Variants in CACNA1S observed in about 807,000 individuals in gnomAD.
The protein encoded by CACNA1S is calcium voltage-gated channel subunit alpha1 S.
Under a neutral mutation model 207.4 loss-of-function variants are expected in CACNA1S, and 126 were observed. The observed-to-expected ratio is 0.61, with a 90% CI of 0.53 to 0.70. The LOEUF (loss-of-function observed/expected upper bound fraction) is 0.70, where lower values mean the gene tolerates loss of function less well. Ranked by LOEUF, CACNA1S falls within the 30% of genes least tolerant of loss-of-function variation. The pLI, the probability that CACNA1S is intolerant of heterozygous loss-of-function variation, is 0.00. For missense variants in CACNA1S, 2,349 were observed against 2,422.8 expected (o/e 0.97, Z 0.64); for synonymous variants, 960 against 932.7 (o/e 1.03, Z -0.53).
intron 18 of CACNA1S, 50 bp downstream of exon 18, chr1:201,069,422 G>A (rs1661369996): frequency 1.2e-6 from 2 of 1,602,488 alleles, no homozygotes; most frequent in South Asian, 1.1e-5. Flanking sequence ...ACCAGACTGA[G>A]GCTGGAGGGG....
rs757432785 is a variant in CACNA1S, at chr1:201,051,071, C to G, written c.4026G>C (p.Ser1342=). 2 of 1,614,058 alleles carry G rather than the reference C, an allele frequency of 1.2e-6. No individual in the cohort carries two copies. Among genetic ancestry groups the G allele is most frequent in the African/African-American group, 2.7e-5 (2 of 74,922 alleles). ...TGTACTCCTCCCCTGGGGCATAGTC[C>G]GACTCTGGGTCACACAGCTTCCCAT... ...CSYGKLCDPE[S]DYAPGEEYTC... The change falls in exon 33 of 44, where the codon TCG becomes TCC. Residue 1342 remains serine (S), a synonymous_variant. Coordinates refer to ENST00000362061, the MANE Select transcript of CACNA1S (RefSeq NM_000069.3).
At chr1:201,081,220 AG>A (rs1218053332) in intron 10 of CACNA1S, among the ~76,000 whole-genome samples, 1 of 152,204 alleles carries the variant, frequency 6.6e-6, no homozygotes, top group African/African-American at 2.4e-5. Flanking sequence ...GCTACCCATT[AG>A]GGTTTAGGCC....
In CACNA1S at chr1:201,062,523, A is replaced by C; in HGVS notation, c.2854-9T>G. 7 of 1,153,200 alleles carry C rather than the reference A, an allele frequency of 6.1e-6. No individual in the cohort carries two copies. Among genetic ancestry groups the C allele is most frequent in the Non-Finnish European group, 7.5e-6 (6 of 802,302 alleles). The allele number at this position is 1,153,200 out of a possible 1,614,324, so 71.4% of individuals were successfully genotyped here. A position where few individuals can be genotyped will look rare whatever the true frequency, so the allele number is the denominator to read the frequency against. On this transcript the variant is annotated splice_polypyrimidine_tract_variant and intron_variant, in intron 22 of 43. Coordinates refer to ENST00000362061, the MANE Select transcript of CACNA1S (RefSeq NM_000069.3). ...CACCTGAAGAACTTCCCCTGCAGCC[A>C]GGAAGAGGGAGGGAGGGAGGGAGGC...
chr1:201,069,531 G>A lies in CACNA1S; in HGVS notation c.2431C>T (p.Leu811Phe), dbSNP rs1377997871. The A allele has an allele frequency of 6.3e-7, 1 of 1,588,738 alleles. No individual in the cohort carries two copies. The highest frequency in any genetic ancestry group is 8.6e-7 in the Non-Finnish European group (1 of 1,168,914). Residue 811 changes from leucine to phenylalanine, a missense_variant, in exon 18 of 44, where the codon CTC becomes TTC. Physicochemically the swap from Leu to Phe is conservative, Grantham distance 22. Transcript: ENST00000362061. ...TCCGCAGCCAGTGCAGCGCTGCTGA[G>A]CAGGATGAAGAGCAGGATGAAGTTG... ...FTNFILLFIL[L>F]SSAALAAEDP... is the part of the protein sequence containing the mutation.
chr1:201,090,426 C>G lies in CACNA1S; in HGVS notation c.695-963G>C, dbSNP rs74136312. The stretch of plus-strand genomic sequence containing the variant: ...AATGGGAGGGGTCTAGGAATATAAT[C>G]CCTGAAAGCTGGACCAGAGTTTACT... On this transcript the variant is annotated intron_variant, in intron 5 of 43. Transcript: ENST00000362061. Among the ~76,000 whole-genome samples, 118 of 152,244 alleles carry G rather than the reference C, an allele frequency of 7.8e-4. 1 individual carries two copies. Among genetic ancestry groups the G allele is most frequent in the African/African-American group, 2.7e-3 (114 of 41,552 alleles).
chr1:201,067,068 C>T (rs572611229), intron 19 of CACNA1S, 75 bp from the exon 20 acceptor site: 24 of 964,804 alleles, frequency 2.5e-5, no homozygotes, highest in South Asian at 4.0e-5. Flanking sequence ...AAGGGCTTCT[C>T]GCCTCTGCTC....
At chr1:201,049,633 A>G (rs1660588082) in intron 34 of CACNA1S, among the ~76,000 whole-genome samples, 1 of 152,190 alleles carries the variant, frequency 6.6e-6, no homozygotes, top group African/African-American at 2.4e-5. Flanking sequence ...CATTTTGGAA[A>G]GTCCTACTGG....
At chr1:201,083,419 G>A in intron 9 of CACNA1S, 97 bp from the exon 10 acceptor site, 1 of 1,282,558 alleles carries the variant, frequency 7.8e-7, no homozygotes, top group Non-Finnish European at 1.1e-6. Flanking sequence ...TGCGTAGCCT[G>A]ACCACCCCAC....
chr1:201,072,702 C>T, intron 16 of CACNA1S, 53 bp downstream of exon 16: 1 of 1,372,992 alleles, frequency 7.3e-7, no homozygotes, highest in South Asian at 1.2e-5. Flanking sequence ...AGGACCGGCA[C>T]ACCCCTACTT....
intron 10 of CACNA1S, among the ~76,000 whole-genome samples, chr1:201,081,614 T>G (rs1418917311): frequency 2.0e-5 from 3 of 152,214 alleles, no homozygotes; most frequent in Admixed American, 1.3e-4. Context: ...AGTCCAACAC[T>G]TTATTCACAT....
chr1:201,046,897 A>G (rs1320911944), intron 38 of CACNA1S, among the ~76,000 whole-genome samples: 1 of 152,188 alleles, frequency 6.6e-6, no homozygotes, highest in Non-Finnish European at 1.5e-5. Flanking sequence ...CTTTGGTCCT[A>G]TCATCCAGAG....
intron 19 of CACNA1S, among the ~76,000 whole-genome samples, chr1:201,068,480 T>C (rs564509113): frequency 1.3e-5 from 2 of 150,144 alleles, no homozygotes; most frequent in Admixed American, 1.3e-4. Flanking sequence ...TGACCTCAGG[T>C]GATCCGCCCG....
In CACNA1S at chr1:201,053,141, G is replaced by A. The variant is rs1660713622; in HGVS notation, c.3861+68C>T. ...GCCCGTGTGCTGCTCAGGCTCCTCA[G>A]GGTCCACTGATGCCCCCTCTAACTT... On this transcript the variant is annotated intron_variant, in intron 31 of 43. Transcript: ENST00000362061. This position sits in a 1 kb window ranked among gnomAD's most constrained non-coding sequence, Gnocchi z 5.1. 1 of 1,567,498 alleles carries A rather than the reference G, an allele frequency of 6.4e-7. No individual in the cohort carries two copies. Among genetic ancestry groups the A allele is most frequent in the African/African-American group, 1.4e-5 (1 of 73,978 alleles).
intron 39 of CACNA1S, among the ~76,000 whole-genome samples, chr1:201,043,884 T>A (rs986523738): frequency 1.3e-5 from 2 of 152,048 alleles, no homozygotes; most frequent in Admixed American, 1.3e-4. Flanking sequence ...TCTCACATGA[T>A]CTCTGTGGGC....
intron 6 of CACNA1S, 82 bp downstream of exon 6, chr1:201,089,176 G>A: frequency 7.4e-7 from 1 of 1,348,502 alleles, no homozygotes; most frequent in Non-Finnish European, 1.1e-6. Flanking sequence ...CTCCTGTGTG[G>A]ACTGGCAAGC....
Position 201,066,431 on chromosome 1 carries a change from A to G in CACNA1S, c.2658-115T>C. The G allele has an allele frequency of 1.1e-6, 1 of 891,180 alleles. No individual in the cohort carries two copies. The highest frequency in any genetic ancestry group is 1.8e-5 in the Admixed American group (1 of 56,608). 55.2% of individuals were successfully genotyped at this position (891,180 alleles called of 1,614,324 possible). A position where few individuals can be genotyped will look rare whatever the true frequency, so the allele number is the denominator to read the frequency against. On this transcript the variant is annotated intron_variant, in intron 20 of 43. Coordinates refer to ENST00000362061, the MANE Select transcript of CACNA1S (RefSeq NM_000069.3). The surrounding 1 kb of genome is among the most constrained non-coding windows in gnomAD (Gnocchi z 4.3). Reference sequence around the variant, plus strand: ...ACACCAGCTGCCTTTCTGCCTGAAAACACTCCCACCTTCCCCTTCCCTTTC... The same window carrying G: ...ACACCAGCTGCCTTTCTGCCTGAAAGCACTCCCACCTTCCCCTTCCCTTTC...
chr1:201,083,638 C>G (rs371865099), intron 9 of CACNA1S, among the ~76,000 whole-genome samples: 4 of 152,186 alleles, frequency 2.6e-5, no homozygotes. Flanking sequence ...TGAGATGCCA[C>G]GTTTTGCCCC....
At chr1:201,062,541 AGG>A in intron 22 of CACNA1S, 27 bp from the exon 23 acceptor site, 1 of 698,076 alleles carries the variant, frequency 1.4e-6, no homozygotes, top group Non-Finnish European at 2.5e-6. Context: ...GGAGGGAGGG[AGG>A]GAGGCATGTT....
chr1:201,042,159 C>G (rs530398906), intron 40 of CACNA1S, among the ~76,000 whole-genome samples: 1 of 152,176 alleles, frequency 6.6e-6, no homozygotes, highest in South Asian at 2.1e-4. Flanking sequence ...TTTTTTGAGA[C>G]GGAGTCTTGT....
Sources: gnomAD v4.1 joint callset for allele counts (sites outside exome capture counted in the v4.1 genomes callset) on GRCh38, gnomAD v4.1.1 for gene constraint, Gnocchi (gnomAD v3.1) non-coding constraint, MANE v1.5 for transcripts, NCBI Gene and HGNC (gene_info 2026-07-23, HGNC 2026-07-21) for gene names.